The following RIT2 variants were observed in gnomAD, a reference collection of about 807,000 sequenced individuals.
RIT2 encodes GTP-binding protein Rit2.
In RIT2, 24 loss-of-function variants were observed where a neutral mutation model predicts 23.7. The ratio of observed to expected loss-of-function variants is 1.01; its 90% CI spans 0.73 to 1.43. RIT2 has a LOEUF of 1.43. Ranked by LOEUF, RIT2 falls within the 40% of genes most tolerant of loss-of-function variation. The probability of loss-of-function intolerance (pLI) is 0.00; values close to 1 mark genes in which losing one functional copy is unlikely to be tolerated. For synonymous variants in RIT2, 107 were observed against 91.1 expected, an observed-to-expected ratio of 1.17 and a Z score of -0.99; for missense variants, 236 against 266.9, an observed-to-expected ratio of 0.88 and a Z score of 0.81.
intron 2 of RIT2, among the ~76,000 whole-genome samples, chr18:43,011,002 T>C (rs1168037249): frequency 6.6e-6 from 1 of 151,614 alleles, no homozygotes; most frequent in Admixed American, 6.6e-5. Context: ...GAAAAAGAAA[T>C]ACATGTGCAA....
At chr18:42,953,491 G>C (rs879563552) in intron 3 of RIT2, among the ~76,000 whole-genome samples, 1 of 152,080 alleles carries the variant, frequency 6.6e-6, no homozygotes, top group Non-Finnish European at 1.5e-5. Context: ...AAAACTATAG[G>C]AGGCATTTGT....
intron 4 of RIT2, among the ~76,000 whole-genome samples, chr18:42,888,124 G>A (rs978572145): frequency 2.3e-4 from 35 of 151,942 alleles, no homozygotes; most frequent in African/African-American, 7.7e-4. Flanking sequence ...GTACAACACC[G>A]AGAGCAAACC....
intron 2 of RIT2, among the ~76,000 whole-genome samples, chr18:43,022,503 C>T (rs533503356): frequency 6.6e-6 from 1 of 151,912 alleles, no homozygotes; most frequent in Non-Finnish European, 1.5e-5. Context: ...TGATGGATAC[C>T]CTAAATACTG....
intron 4 of RIT2, among the ~76,000 whole-genome samples, chr18:42,855,620 T>C (rs541303832): frequency 6.6e-6 from 1 of 152,338 alleles, no homozygotes; most frequent in Non-Finnish European, 1.5e-5. Context: ...TGTAGTCTCA[T>C]GGTTTTCCTC....
chr18:42,952,070 C>A (rs1909863993), intron 3 of RIT2, among the ~76,000 whole-genome samples: 1 of 152,112 alleles, frequency 6.6e-6, no homozygotes, highest in Admixed American at 6.6e-5. Context: ...GAAAGACCCA[C>A]CCCCATGATT....
intron 4 of RIT2, among the ~76,000 whole-genome samples, chr18:42,756,827 T>C (rs11878096): frequency 0.04 from 6,136 of 152,122 alleles, 383 homozygotes; most frequent in African/African-American, 0.14. Flanking sequence ...AAAAATGTAC[T>C]CTTTGAAGAC....
intron 3 of RIT2, among the ~76,000 whole-genome samples, chr18:42,927,563 A>T (rs1288186292): frequency 6.6e-6 from 1 of 151,978 alleles, no homozygotes; most frequent in East Asian, 1.9e-4. Context: ...TCACCTGTGA[A>T]TTAAAGATCC....
At chr18:43,024,474 A>G (rs1911664293) in intron 2 of RIT2, among the ~76,000 whole-genome samples, 1 of 152,094 alleles carries the variant, frequency 6.6e-6, no homozygotes, top group Non-Finnish European at 1.5e-5. Context: ...AATAAAAACT[A>G]AGAAAAACTC....
intron 1 of RIT2, among the ~76,000 whole-genome samples, chr18:43,062,805 G>T (rs1360114316): frequency 6.6e-6 from 1 of 152,140 alleles, no homozygotes; most frequent in Non-Finnish European, 1.5e-5. Context: ...AATAAGAAAA[G>T]AGTAATTCTG....
chr18:42,990,920 T>TTG (rs1555650899), intron 2 of RIT2, among the ~76,000 whole-genome samples: 2 of 150,566 alleles, frequency 1.3e-5, no homozygotes, highest in African/African-American at 2.4e-5. Flanking sequence ...TTGTTTTTTT[T>TTG]TTTTTTTTTT....
chr18:43,087,324 A>G (rs185592716), intron 1 of RIT2, among the ~76,000 whole-genome samples: 2 of 152,254 alleles, frequency 1.3e-5, no homozygotes, highest in East Asian at 3.9e-4. Flanking sequence ...TAAGATCTTA[A>G]AAATAACCAT....
At chr18:42,912,243 T>C (rs949597217) in intron 4 of RIT2, among the ~76,000 whole-genome samples, 2 of 149,924 alleles carry the variant, frequency 1.3e-5, no homozygotes, top group Non-Finnish European at 3.0e-5. Context: ...AAAAAAAAAA[T>C]CACTTTCAGT....
intron 1 of RIT2, among the ~76,000 whole-genome samples, chr18:43,092,036 G>A (rs1476154420): frequency 4.6e-5 from 7 of 151,994 alleles, no homozygotes; most frequent in African/African-American, 1.7e-4. Context: ...GGTAACTGTG[G>A]TCAAAACAGA....
intron 3 of RIT2, among the ~76,000 whole-genome samples, chr18:42,944,781 T>C (rs1405929117): frequency 6.6e-6 from 1 of 152,090 alleles, no homozygotes; most frequent in African/African-American, 2.4e-5. Flanking sequence ...CCTGAAACTG[T>C]GAGATGCTAA....
At chr18:42,783,411 G>A (rs544203595) in intron 4 of RIT2, among the ~76,000 whole-genome samples, 8 of 152,100 alleles carry the variant, frequency 5.3e-5, no homozygotes, top group Non-Finnish European at 1.0e-4. Flanking sequence ...TACATGAAAT[G>A]TTCCAAATTA....
At chr18:43,042,737 G>T (rs1912157508) in intron 1 of RIT2, among the ~76,000 whole-genome samples, 1 of 152,172 alleles carries the variant, frequency 6.6e-6, no homozygotes, top group African/African-American at 2.4e-5. Flanking sequence ...CCTTCTAAAG[G>T]TTTACATTTG....
intron 1 of RIT2, among the ~76,000 whole-genome samples, chr18:43,071,736 A>C (rs1912901935): frequency 6.6e-6 from 1 of 152,188 alleles, no homozygotes; most frequent in African/African-American, 2.4e-5. Flanking sequence ...AAATTATTTT[A>C]ATATGATTGG....
chr18:42,920,233 T>C (rs1909020967), intron 4 of RIT2, among the ~76,000 whole-genome samples: 1 of 152,128 alleles, frequency 6.6e-6, no homozygotes, highest in African/African-American at 2.4e-5. Context: ...AAAAAATAAG[T>C]TCATGATAAA....
chr18:42,893,184 C>T (rs1908227504), intron 4 of RIT2, among the ~76,000 whole-genome samples: 1 of 149,832 alleles, frequency 6.7e-6, no homozygotes, highest in Non-Finnish European at 1.5e-5. Flanking sequence ...GCCAAGATCG[C>T]CACTGCACTC....
Sources: allele counts gnomAD v4.1 joint callset (sites outside exome capture counted in the v4.1 genomes callset), GRCh38; gene constraint gnomAD v4.1.1; transcripts MANE v1.5; gene names NCBI Gene and HGNC (gene_info 2026-07-23, HGNC 2026-07-21).